Variants in BLTP3B observed in about 807,000 individuals in gnomAD.
BLTP3B encodes UHRF1 (ICBP90) binding protein 1-like.
At chr12:100,076,878 G>A in the BLTP3B span, among the ~76,000 whole-genome samples, 9 of 152,110 alleles carry the variant, frequency 5.9e-5, no homozygotes, top group South Asian at 2.1e-4. Flanking sequence ...AAACCTATTC[G>A]AATTGGGACA....
At chr12:100,107,628 C>T in the BLTP3B span, among the ~76,000 whole-genome samples, 26 of 151,532 alleles carry the variant, frequency 1.7e-4, no homozygotes, top group African/African-American at 6.0e-4. Flanking sequence ...AGCAAGACTC[C>T]GTCTCAAAAA....
At chr12:100,101,799 C>G in the BLTP3B span, among the ~76,000 whole-genome samples, 2 of 152,122 alleles carry the variant, frequency 1.3e-5, no homozygotes, top group African/African-American at 4.8e-5. Flanking sequence ...TAATTTAAGG[C>G]ATCAACTTAA....
At chr12:100,048,739 A>AGT in the BLTP3B span, among the ~76,000 whole-genome samples, 1 of 125,844 alleles carries the variant, frequency 7.9e-6, no homozygotes, top group African/African-American at 3.3e-5. Flanking sequence ...GGGGGGGGAG[A>AGT]GAGAGAGAGA....
the BLTP3B span, chr12:100,128,445 T>C: frequency 2.4e-3 from 1,519 of 637,788 alleles, 21 homozygotes; most frequent in African/African-American, 0.027. Flanking sequence ...TCTAGCTACA[T>C]AGTAAAGAAA....
chr12:100,075,262 G>A, the BLTP3B span, among the ~76,000 whole-genome samples: 2 of 151,838 alleles, frequency 1.3e-5, no homozygotes, highest in Non-Finnish European at 2.9e-5. Flanking sequence ...CGCCCACCTC[G>A]GCCTCTCAAA....
chr12:100,126,084 A>C, the BLTP3B span, among the ~76,000 whole-genome samples: 2 of 152,192 alleles, frequency 1.3e-5, no homozygotes, highest in Non-Finnish European at 2.9e-5. Context: ...TGGGCAAAAG[A>C]GTAAGGCTAT....
chr12:100,140,591 G>C, the BLTP3B span, among the ~76,000 whole-genome samples: 1 of 149,268 alleles, frequency 6.7e-6, no homozygotes, highest in South Asian at 2.1e-4. Context: ...TGTAATCCCA[G>C]CTACTCGGGA....
At chr12:100,084,599 C>T in the BLTP3B span, 1 of 1,614,048 alleles carries the variant, frequency 6.2e-7, no homozygotes, top group East Asian at 2.2e-5. Context: ...AACTCATTGG[C>T]CCATCCATTT....
the BLTP3B span, among the ~76,000 whole-genome samples, chr12:100,132,962 G>C: frequency 1.3e-5 from 2 of 151,652 alleles, no homozygotes; most frequent in African/African-American, 4.8e-5. Context: ...TAAATAAATA[G>C]GCCGGGCGTG....
the BLTP3B span, among the ~76,000 whole-genome samples, chr12:100,062,421 A>G: frequency 6.6e-6 from 1 of 152,370 alleles, no homozygotes; most frequent in South Asian, 2.1e-4. Flanking sequence ...AAGAATGAAA[A>G]TTAACTCATC....
the BLTP3B span, among the ~76,000 whole-genome samples, chr12:100,111,599 T>G: frequency 3.3e-4 from 50 of 152,018 alleles, no homozygotes; most frequent in African/African-American, 1.1e-3. Context: ...TTTTGTTTTT[T>G]TTTGTTTGTT....
chr12:100,123,176 G>T, the BLTP3B span, among the ~76,000 whole-genome samples: 7 of 151,932 alleles, frequency 4.6e-5, no homozygotes, highest in Non-Finnish European at 1.5e-5. Flanking sequence ...GAGATTAAAG[G>T]TATTGTACAT....
At chr12:100,052,886 C>T in the BLTP3B span, among the ~76,000 whole-genome samples, 1 of 150,410 alleles carries the variant, frequency 6.6e-6, no homozygotes, top group Non-Finnish European at 1.5e-5. Context: ...CTCCGCCTCC[C>T]GGGTTCAAGC....
At chr12:100,067,010 T>C in the BLTP3B span, among the ~76,000 whole-genome samples, 1 of 152,066 alleles carries the variant, frequency 6.6e-6, no homozygotes, top group Non-Finnish European at 1.5e-5. Flanking sequence ...GACAATGGAA[T>C]AAAACTGGAA....
chr12:100,070,079 G>A, the BLTP3B span: 1 of 1,449,696 alleles, frequency 6.9e-7, no homozygotes, highest in Non-Finnish European at 9.1e-7. Flanking sequence ...CAATGCTTGA[G>A]TTTCAACTGT....
the BLTP3B span, among the ~76,000 whole-genome samples, chr12:100,109,197 TC>T: frequency 7.2e-6 from 1 of 138,128 alleles, no homozygotes; most frequent in Non-Finnish European, 1.6e-5. Context: ...TCTCTCTCTC[TC>T]TCTCTCTCTC....
At chr12:100,087,005 A>T in the BLTP3B span, among the ~76,000 whole-genome samples, 1 of 152,076 alleles carries the variant, frequency 6.6e-6, no homozygotes, top group Non-Finnish European at 1.5e-5. Context: ...CTAAAAATAC[A>T]AAGATTAGCT....
At chr12:100,051,607 A>G in the BLTP3B span, 4 of 158,414 alleles carry the variant, frequency 2.5e-5, no homozygotes, top group Non-Finnish European at 5.5e-5. Context: ...GTGCTTGGCA[A>G]TGTGGTAGGT....
the BLTP3B span, chr12:100,089,142 A>G: frequency 1.4e-6 from 2 of 1,383,956 alleles, no homozygotes; most frequent in Non-Finnish European, 1.9e-6. Context: ...TAAATACTGG[A>G]AATTTCACAC....
Sources: gnomAD v4.1 joint callset for allele counts (sites outside exome capture counted in the v4.1 genomes callset) on GRCh38, gnomAD v4.1.1 for gene constraint, MANE v1.5 for transcripts, NCBI Gene and HGNC (gene_info 2026-07-23, HGNC 2026-07-21) for gene names.